DLG4: variants seen among roughly 807,000 people sequenced by gnomAD.
The protein encoded by DLG4 is disks large homolog 4.
DLG4 carries 7 observed loss-of-function variants against 93.8 expected under a neutral mutation model. The ratio of observed to expected loss-of-function variants is 0.07; its 90% CI spans 0.04 to 0.14. The LOEUF (loss-of-function observed/expected upper bound fraction) is 0.14, where lower values mean the gene tolerates loss of function less well. Ranked by LOEUF, DLG4 falls within the 10% of genes least tolerant of loss-of-function variation. The probability of loss-of-function intolerance (pLI) is 1.00; values close to 1 mark genes in which losing one functional copy is unlikely to be tolerated. For synonymous variants in DLG4, 341 were observed against 387.6 expected, an observed-to-expected ratio of 0.88 and a Z score of 1.41; for missense variants, 545 against 992.9, an observed-to-expected ratio of 0.55 and a Z score of 6.06.
chr17:7,200,633 G>A (rs576217147), intron 8 of DLG4, among the ~76,000 whole-genome samples: 6 of 151,460 alleles, frequency 4.0e-5, no homozygotes, highest in East Asian at 1.9e-4. Context: ...CGCAACCTCC[G>A]CCTCCCAGGT....
Position 7,203,457 on chromosome 17 carries a change from C to A in DLG4, c.472G>T (p.Val158Phe), listed in dbSNP as rs1484512483. The stretch of plus-strand genomic sequence containing the variant: ...CCCTTGATGAGCTTGATCTCCATGA[C>A]CTTCTCAGCCGGGGGCTTCCGGCGC... ...VMRRKPPAEKVMEIKLIKGPK... is the reference protein window; with the variant it reads ...VMRRKPPAEKFMEIKLIKGPK... Residue 158 changes from valine (V) to phenylalanine (F), a missense_variant, in exon 6 of 20, where the codon GTC becomes TTC. Val to Phe is a conservative substitution (Grantham distance 50, BLOSUM62 -1). Coordinates refer to ENST00000399506, the MANE Select transcript of DLG4 (RefSeq NM_001321075.3). This position sits in a 1 kb window ranked among gnomAD's most constrained non-coding sequence, Gnocchi z 7.2. 1.2e-6 allele frequency: 2 copies of A among 1,611,818 alleles called. No individual in the cohort carries two copies. Among genetic ancestry groups the A allele is most frequent in the Non-Finnish European group, 8.5e-7 (1 of 1,178,112 alleles).
Position 7,204,271 on chromosome 17 carries a change from G to C in DLG4, c.97-19C>G. 6.4e-7 allele frequency: 1 copy of C among 1,568,302 alleles called. No homozygotes were observed. The highest frequency in any genetic ancestry group is 8.6e-7 in the Non-Finnish European group (1 of 1,156,714). On this transcript the variant is annotated intron_variant, in intron 2 of 19. Transcript: ENST00000399506. ...AATTGGCCTGTTTGGGAAAACAAGAGACAAAAAGCAGCCTGAGCCTTGACT... is the reference window on the plus strand; with the variant it reads ...AATTGGCCTGTTTGGGAAAACAAGACACAAAAAGCAGCCTGAGCCTTGACT...
At chr17:7,213,779 G>A in intron 1 of DLG4, 1 of 471,140 alleles carries the variant, frequency 2.1e-6, no homozygotes, top group African/African-American at 2.0e-5. Flanking sequence ...TGGTAGAAAT[G>A]ACGACTTCCC....
rs1597434889 is a variant in DLG4, at chr17:7,190,834, G to C, written c.2069-20C>G. 6.2e-7 allele frequency: 1 copy of C among 1,608,050 alleles called. No homozygotes were observed. ...CGATGGCTGGGAGTGGGGTGGAGCA[G>C]GGAGTGAGGCCAAGGAAGGGCCAGA... On this transcript the variant is annotated intron_variant, in intron 19 of 19. Coordinates refer to ENST00000399506, the MANE Select transcript of DLG4 (RefSeq NM_001321075.3).
chr17:7,202,187 C>T (rs2070173155), intron 8 of DLG4, among the ~76,000 whole-genome samples: 1 of 152,186 alleles, frequency 6.6e-6, no homozygotes, highest in African/African-American at 2.4e-5. Context: ...AGCGATCCTC[C>T]AGCCTCAGCC....
At position 7,204,266 on chromosome 17, in the gene DLG4, C is replaced by A. The variant is rs1567542662; in HGVS notation, c.97-14G>T. ...GGGAGAATTGGCCTGTTTGGGAAAA[C>A]AAGAGACAAAAAGCAGCCTGAGCCT... On this transcript the variant is annotated splice_polypyrimidine_tract_variant and intron_variant, in intron 2 of 19. Coordinates refer to ENST00000399506, the MANE Select transcript of DLG4 (RefSeq NM_001321075.3). 2.5e-6 allele frequency: 4 copies of A among 1,574,056 alleles called. No homozygotes were observed. In the South Asian group the frequency reaches 4.7e-5, roughly 18 times the overall value.
At chr17:7,217,874 C>T (rs2071006116), upstream of DLG4, 6 of 1,493,192 alleles carry the variant, frequency 4.0e-6, no homozygotes, top group Admixed American at 5.9e-5. Context: ...GGAGCACCCA[C>T]GGTTATTTGA....
chr17:7,202,709 C>A (rs966446226), intron 8 of DLG4, 194 bp downstream of exon 8: 1 of 728,380 alleles, frequency 1.4e-6, no homozygotes, highest in Non-Finnish European at 2.2e-6. Flanking sequence ...GGAGAGAGAT[C>A]GTTGACGATC....
chr17:7,219,825 C>CCAGG (rs1422177528), upstream of DLG4: 1 of 1,534,074 alleles, frequency 6.5e-7, no homozygotes, highest in South Asian at 1.2e-5. Context: ...GGGCCGGGCT[C>CCAGG]CAGGGAACTA....
chr17:7,217,469 TGGGGGA>T lies in DLG4; in HGVS notation c.-328_-323del. 1 of 117,404 alleles carries T rather than the reference TGGGGGA, an allele frequency of 8.5e-6. No homozygotes were observed. Among genetic ancestry groups the T allele is most frequent in the Non-Finnish European group, 1.5e-5 (1 of 66,358 alleles). 7.3% of individuals were successfully genotyped at this position (117,404 alleles called of 1,614,324 possible). On this transcript the variant is annotated 5_prime_UTR_variant, in exon 1 of 20. Coordinates refer to ENST00000399506, the MANE Select transcript of DLG4 (RefSeq NM_001321075.3). ...TCGGGGGCTGGGGCATGAGCTGGGG[TGGGGGA>T]GGGGAACTGGATTTCGGGGAGCCCC... is the stretch of plus-strand genomic sequence containing the variant.
At chr17:7,210,968 A>T (rs1043792514) in intron 1 of DLG4, among the ~76,000 whole-genome samples, 4 of 151,892 alleles carry the variant, frequency 2.6e-5, no homozygotes, top group African/African-American at 9.7e-5. Context: ...GGCACTGAAG[A>T]AAAGGCTCCT....
chr17:7,216,433 G>T (rs1159738359), intron 1 of DLG4, among the ~76,000 whole-genome samples: 2 of 152,140 alleles, frequency 1.3e-5, no homozygotes, highest in Non-Finnish European at 1.5e-5. Context: ...TCCTATGGGA[G>T]TACCCCCAAA....
intron 17 of DLG4, chr17:7,192,338 G>A (rs1301545227): frequency 9.4e-6 from 3 of 319,942 alleles, no homozygotes; most frequent in Admixed American, 4.8e-5. Flanking sequence ...CAAGGCAGAG[G>A]TGACACAGGC....
At chr17:7,204,285 T>A in intron 2 of DLG4, 33 bp from the exon 3 acceptor site, 1 of 1,554,866 alleles carries the variant, frequency 6.4e-7, no homozygotes, top group Non-Finnish European at 8.7e-7. Context: ...AAAAGCAGCC[T>A]GAGCCTTGAC....
chr17:7,219,915 A>G, upstream of DLG4: 1 of 1,565,920 alleles, frequency 6.4e-7, no homozygotes, highest in Non-Finnish European at 8.6e-7. Flanking sequence ...TAGGGGCGCC[A>G]GGACGTGGGC....
Position 7,203,019 on chromosome 17 carries a change from A to G in DLG4, c.671T>C (p.Met224Thr). The change falls in exon 8 of 20, where the codon ATG becomes ACG. Residue 224 changes from methionine to threonine, a missense_variant. Transcript: ENST00000399506. The surrounding 1 kb of genome is among the most constrained non-coding windows in gnomAD (Gnocchi z 7.2). ...CAGGGCTGCCACAGCATCTTCATGC[A>G]TGACGTCCTCTAGCCCCACACTGTT... The part of the protein sequence containing the change: ...AVNSVGLEDV[M>T]HEDAVAALKN... The G allele has an allele frequency of 1.9e-6, 3 of 1,611,786 alleles. No individual in the cohort carries two copies. Among genetic ancestry groups the G allele is most frequent in the Non-Finnish European group, 2.5e-6 (3 of 1,177,922 alleles).
At chr17:7,210,051 AAG>A (rs2070648461) in intron 1 of DLG4, among the ~76,000 whole-genome samples, 1 of 152,140 alleles carries the variant, frequency 6.6e-6, no homozygotes, top group African/African-American at 2.4e-5. Context: ...CAAAACAAAA[AAG>A]AGAGAGGGCG....
In DLG4 at chr17:7,204,354, G is replaced by A. The variant is rs1321726664; in HGVS notation, c.97-102C>T. ...GCGTGGCTACCCTTTCAGCCTCTTA[G>A]CCAAGCCCACTCCGCCACCCTGAGA... On this transcript the variant is annotated intron_variant, in intron 2 of 19. Coordinates refer to ENST00000399506, the MANE Select transcript of DLG4 (RefSeq NM_001321075.3). 4.2e-6 allele frequency: 5 copies of A among 1,187,228 alleles called. No individual in the cohort carries two copies. The Admixed American group carries it at 8.5e-5, about 20-fold the overall frequency. 73.5% of individuals were successfully genotyped at this position (1,187,228 alleles called of 1,614,324 possible). A position where few individuals can be genotyped will look rare whatever the true frequency, so the allele number is the denominator to read the frequency against.
intron 1 of DLG4, among the ~76,000 whole-genome samples, chr17:7,216,697 C>T (rs761188025): frequency 3.5e-4 from 53 of 152,010 alleles, no homozygotes; most frequent in Non-Finnish European, 6.9e-4. Flanking sequence ...ATGCCAGGAG[C>T]CCCCCAAAAC....
Sources: gnomAD v4.1 joint callset for allele counts (sites outside exome capture counted in the v4.1 genomes callset) on GRCh38, gnomAD v4.1.1 for gene constraint, Gnocchi (gnomAD v3.1) non-coding constraint, MANE v1.5 for transcripts, NCBI Gene and HGNC (gene_info 2026-07-23, HGNC 2026-07-21) for gene names.